MAP4: variants seen among roughly 807,000 people sequenced by gnomAD.
MAP4 encodes microtubule associated protein 4, also known as microtubule-associated protein 4.
MAP4 carries 76 observed loss-of-function variants against 170.2 expected under a neutral mutation model. The ratio of observed to expected loss-of-function variants is 0.45; its 90% CI spans 0.37 to 0.54. MAP4 has a LOEUF of 0.54. Among genes scored for constraint, MAP4 ranks in the 20% least tolerant of loss-of-function variants. The probability of loss-of-function intolerance (pLI) is 0.00; values close to 1 mark genes in which losing one functional copy is unlikely to be tolerated. For synonymous variants in MAP4, 909 were observed against 994.5 expected (o/e 0.91, Z 1.62); for missense variants, 2,506 against 2,748.0 (o/e 0.91, Z 1.97).
At chr3:47,869,383 G>A (rs1287654963) in intron 15 of MAP4, 56 bp from the exon 16 acceptor site, 2 of 1,203,660 alleles carry the variant, frequency 1.7e-6, no homozygotes, top group Non-Finnish European at 2.5e-6. Flanking sequence ...GAGCTCAAAA[G>A]CCAAGAAGGG....
chr3:47,930,501 G>C (rs2153825193), intron 3 of MAP4, among the ~76,000 whole-genome samples: 1 of 151,006 alleles, frequency 6.6e-6, no homozygotes, highest in Non-Finnish European at 1.5e-5. Flanking sequence ...CAACAACAAA[G>C]GTACTATTAA....
chr3:48,077,973 CA>C (rs933253323), intron 1 of MAP4, among the ~76,000 whole-genome samples: 4 of 151,966 alleles, frequency 2.6e-5, no homozygotes, highest in African/African-American at 9.7e-5. Flanking sequence ...ATGGAATGTC[CA>C]GAACAGACAG....
upstream of MAP4, among the ~76,000 whole-genome samples, chr3:48,016,605 T>G (rs929117484): frequency 6.6e-6 from 1 of 152,220 alleles, no homozygotes; most frequent in Non-Finnish European, 1.5e-5. Context: ...TATCTAAATT[T>G]TTTAAATGAG....
In MAP4 at chr3:48,045,561, G is replaced by A. The variant is rs534311905; in HGVS notation, c.-20+43212C>T. ...TCCCGAAAACATCCCCTCCCCCAGC[G>A]TCCCCTTCCATGGAAAAACTGTCTT... On this transcript the variant is annotated intron_variant, in intron 1 of 18. Coordinates refer to the MAP4 transcript ENST00000360240. 5.3e-5 allele frequency among the ~76,000 whole-genome samples: 8 copies of A among 152,186 alleles called. No individual in the cohort carries two copies. In the East Asian group the frequency reaches 7.7e-4, roughly 15 times the overall value.
At chr3:47,864,905 G>A (rs1296211322) in intron 17 of MAP4, among the ~76,000 whole-genome samples, 4 of 152,054 alleles carry the variant, frequency 2.6e-5, no homozygotes, top group Middle Eastern at 3.2e-3. Flanking sequence ...CAGCTGGGGG[G>A]CTCATCATTT....
chr3:48,013,000 T>C (rs905206553), intron 1 of MAP4, among the ~76,000 whole-genome samples: 2 of 152,070 alleles, frequency 1.3e-5, no homozygotes, highest in Non-Finnish European at 2.9e-5. Context: ...TCCCCAGTTT[T>C]CAATAAATTA....
At chr3:47,887,272 C>T (rs1034065958) in intron 10 of MAP4, among the ~76,000 whole-genome samples, 1 of 152,228 alleles carries the variant, frequency 6.6e-6, no homozygotes, top group Non-Finnish European at 1.5e-5. Flanking sequence ...TCCGGGTGGG[C>T]GTGGGCTTGG....
rs756871850 is a variant in MAP4 at position 47,853,001 on chromosome 3, G to A, written c.6887-63C>T. Reference sequence around the variant, plus strand: ...AGGGGAGACAAGAGGGGAACACGGGGGAGACGGAAGACGAGACCAGAATGT... The same window carrying A: ...AGGGGAGACAAGAGGGGAACACGGGAGAGACGGAAGACGAGACCAGAATGT... On this transcript the variant is annotated intron_variant, in intron 20 of 20. Coordinates refer to ENST00000683076, the MANE Select transcript of MAP4 (RefSeq NM_001385682.1). 37 of 1,614,100 alleles carry A rather than the reference G, an allele frequency of 2.3e-5. No homozygotes were observed. In the East Asian group the frequency reaches 2.7e-4, roughly 12 times the overall value.
At chr3:47,951,158 T>C (rs1230180405) in intron 3 of MAP4, among the ~76,000 whole-genome samples, 1 of 152,248 alleles carries the variant, frequency 6.6e-6, no homozygotes, top group Non-Finnish European at 1.5e-5. Context: ...TTTTACAGCA[T>C]ATTCTTAAAT....
Position 48,002,246 on chromosome 3 carries a change from AG to A in MAP4, c.-19-3368del, listed in dbSNP as rs199522721. 6.5e-3 allele frequency among the ~76,000 whole-genome samples: 903 copies of A among 139,122 alleles called. 22 individuals carry two copies. Among genetic ancestry groups the A allele is most frequent in the African/African-American group, 0.018 (667 of 36,818 alleles). The allele number at this position is 139,122 out of a possible 152,430, so 91.3% of individuals were successfully genotyped here. ...ACAGAGCAAGACTCTAGTCTCAAAA[AG>A]AAAAAAAAAAGAAAAAAAAAATCAC... On this transcript the variant is annotated intron_variant, in intron 1 of 20. Transcript: ENST00000683076.
chr3:48,085,100 T>C (rs2100148439), intron 1 of MAP4, among the ~76,000 whole-genome samples: 1 of 151,592 alleles, frequency 6.6e-6, no homozygotes. Flanking sequence ...ACTGCCAAGA[T>C]GCCTTCCACT....
chr3:48,077,829 C>T (rs140820213), intron 1 of MAP4, among the ~76,000 whole-genome samples: 4 of 152,138 alleles, frequency 2.6e-5, no homozygotes, highest in African/African-American at 9.6e-5. Context: ...GCATTATATC[C>T]ATGTAATGTA....
At chr3:47,986,818 T>C (rs1434501140) in intron 2 of MAP4, among the ~76,000 whole-genome samples, 1 of 152,212 alleles carries the variant, frequency 6.6e-6, no homozygotes, top group Non-Finnish European at 1.5e-5. Flanking sequence ...ATATATAAAC[T>C]TCCCTAAATA....
chr3:48,049,491 A>G (rs1372250441), intron 1 of MAP4, among the ~76,000 whole-genome samples: 1 of 151,890 alleles, frequency 6.6e-6, no homozygotes, highest in Non-Finnish European at 1.5e-5. Flanking sequence ...ATGATAGTGC[A>G]TACCTATAGA....
chr3:48,085,332 T>A (rs987268061), intron 1 of MAP4, among the ~76,000 whole-genome samples: 2 of 151,904 alleles, frequency 1.3e-5, no homozygotes, highest in Non-Finnish European at 2.9e-5. Flanking sequence ...AACAAGACAC[T>A]ATGAGATTAG....
intron 3 of MAP4, among the ~76,000 whole-genome samples, chr3:47,965,506 T>G (rs2100074320): frequency 6.6e-6 from 1 of 152,250 alleles, no homozygotes; most frequent in African/African-American, 2.4e-5. Flanking sequence ...TCATTTTACA[T>G]TCCTATCAGC....
chr3:47,863,940 G>GGGGGGGT (rs2074428188), intron 17 of MAP4, among the ~76,000 whole-genome samples: 2 of 150,572 alleles, frequency 1.3e-5, no homozygotes, highest in Non-Finnish European at 3.0e-5. Flanking sequence ...GTGTGTGTGG[G>GGGGGGGT]GAGTGGTGGG....
In MAP4 at chr3:47,877,401, C is replaced by T; in HGVS notation, c.5541+16G>A. Reference sequence around the variant, plus strand: ...AAATTATGGCAGTAGAAGATAACCACCATTCTGGCACCTACCTTTGTTTTC... The same window carrying T: ...AAATTATGGCAGTAGAAGATAACCATCATTCTGGCACCTACCTTTGTTTTC... On this transcript the variant is annotated intron_variant, in intron 11 of 20. Transcript: ENST00000683076. 1.3e-6 allele frequency: 2 copies of T among 1,590,216 alleles called. No individual in the cohort carries two copies. The highest frequency in any genetic ancestry group is 8.6e-7 in the Non-Finnish European group (1 of 1,158,396).
intron 1 of MAP4, among the ~76,000 whole-genome samples, chr3:48,036,558 G>T (rs528535252): frequency 6.6e-6 from 1 of 152,308 alleles, no homozygotes; most frequent in East Asian, 1.9e-4. Context: ...ATATCGTCAT[G>T]TATAGAGCTA....
Sources: gnomAD v4.1 joint callset for allele counts (sites outside exome capture counted in the v4.1 genomes callset) on GRCh38, gnomAD v4.1.1 for gene constraint, MANE v1.5 for transcripts, NCBI Gene and HGNC (gene_info 2026-07-23, HGNC 2026-07-21) for gene names.